GALNT13: variants seen among roughly 807,000 people sequenced by gnomAD.
The protein encoded by GALNT13 is polypeptide N-acetylgalactosaminyltransferase 13.
In GALNT13, 28 loss-of-function variants were observed where a neutral mutation model predicts 64.2. The observed-to-expected ratio is 0.44, with a 90% CI of 0.32 to 0.60. The LOEUF is 0.60. Among genes scored for constraint, GALNT13 ranks in the 20% least tolerant of loss-of-function variants. The pLI is 0.05. For missense variants in GALNT13, 577 were observed against 669.8 expected, an observed-to-expected ratio of 0.86 and a Z score of 1.53; for synonymous variants, 214 against 224.6, an observed-to-expected ratio of 0.95 and a Z score of 0.42.
chr2:153,350,492 C>T, the GALNT13 span, among the ~76,000 whole-genome samples: 8 of 150,506 alleles, frequency 5.3e-5, 1 homozygote, highest in Non-Finnish European at 1.2e-4. Context: ...AAGCGATTCT[C>T]CTACCTCAAC....
In GALNT13 at chr2:154,249,178, G is replaced by A. The variant is rs189847889; in HGVS notation, c.857+3196G>A. Among the ~76,000 whole-genome samples the A allele has an allele frequency of 2.3e-4, 35 of 152,248 alleles. No individual in the cohort carries two copies. In the East Asian group the frequency reaches 6.6e-3, roughly 29 times the overall value. On this transcript the variant is annotated intron_variant, in intron 7 of 12. Transcript: ENST00000392825. The stretch of plus-strand genomic sequence containing the variant: ...TACAAATGGGAGGTGATTTGGTTTA[G>A]GCTATTGAAATAAGTTTGATTCCAT...
At chr2:153,450,658 TTCCGATGAACACATA>T in the GALNT13 span, among the ~76,000 whole-genome samples, 1 of 152,004 alleles carries the variant, frequency 6.6e-6, no homozygotes, top group Non-Finnish European at 1.5e-5. Context: ...GTCTATTATA[TTCCGATGAACACATA>T]TCAGTCAGTC....
intron 4 of GALNT13, among the ~76,000 whole-genome samples, chr2:154,153,270 C>T (rs1206813505): frequency 6.6e-6 from 1 of 151,312 alleles, no homozygotes; most frequent in African/African-American, 2.4e-5. Context: ...GCGAATGCTG[C>T]TGTCTGATCA....
At chr2:153,626,382 C>T in the GALNT13 span, among the ~76,000 whole-genome samples, 1 of 151,978 alleles carries the variant, frequency 6.6e-6, no homozygotes, top group African/African-American at 2.4e-5. Flanking sequence ...TTGTATTTTT[C>T]TGAATATGGG....
At chr2:153,405,682 C>A in the GALNT13 span, among the ~76,000 whole-genome samples, 2 of 152,204 alleles carry the variant, frequency 1.3e-5, no homozygotes, top group East Asian at 3.9e-4. Context: ...ACTGTAAGAA[C>A]ATATTAGAAT....
intron 3 of GALNT13, among the ~76,000 whole-genome samples, chr2:153,997,988 T>G (rs183176662): frequency 3.9e-5 from 6 of 152,218 alleles, no homozygotes; most frequent in African/African-American, 1.2e-4. Flanking sequence ...CTTTTTTATG[T>G]CTGCATAGTA....
intron 9 of GALNT13, among the ~76,000 whole-genome samples, chr2:154,303,967 A>T (rs1693592991): frequency 6.6e-6 from 1 of 152,126 alleles, no homozygotes; most frequent in Non-Finnish European, 1.5e-5. Context: ...CATGTTGGCC[A>T]GGCTGGTCTC....
At chr2:153,552,534 G>T in the GALNT13 span, among the ~76,000 whole-genome samples, 1,954 of 150,304 alleles carry the variant, frequency 0.013, 53 homozygotes, top group African/African-American at 0.045. Context: ...AGTAATTGTG[G>T]AATGAGACTG....
At chr2:153,758,114 C>T in the GALNT13 span, among the ~76,000 whole-genome samples, 4 of 152,082 alleles carry the variant, frequency 2.6e-5, no homozygotes, top group African/African-American at 7.2e-5. Context: ...TTTACAGTTT[C>T]ACTTTTTACA....
At chr2:154,130,811 CTT>C (rs1234772869) in intron 3 of GALNT13, among the ~76,000 whole-genome samples, 2 of 152,140 alleles carry the variant, frequency 1.3e-5, no homozygotes, top group African/African-American at 4.8e-5. Flanking sequence ...CTGCTCAAAG[CTT>C]ACTATTTTCT....
At chr2:153,358,066 A>G in the GALNT13 span, among the ~76,000 whole-genome samples, 9 of 152,164 alleles carry the variant, frequency 5.9e-5, no homozygotes, top group African/African-American at 2.2e-4. Context: ...AAATTTACCC[A>G]TGTGCTTGCA....
chr2:153,630,122 A>G, the GALNT13 span, among the ~76,000 whole-genome samples: 19 of 151,144 alleles, frequency 1.3e-4, no homozygotes, highest in African/African-American at 2.9e-4. Flanking sequence ...TAGAAATACC[A>G]TTTGACCCAG....
At chr2:153,238,550 G>T in the GALNT13 span, among the ~76,000 whole-genome samples, 1 of 151,980 alleles carries the variant, frequency 6.6e-6, no homozygotes, top group Admixed American at 6.6e-5. Context: ...TCCGCATGTG[G>T]ATATCCAGTT....
At chr2:153,544,480 C>CT in the GALNT13 span, among the ~76,000 whole-genome samples, 1 of 152,292 alleles carries the variant, frequency 6.6e-6, no homozygotes, top group Non-Finnish European at 1.5e-5. Flanking sequence ...GTTTTAATTA[C>CT]TTGAATACTT....
At chr2:154,171,585 C>T (rs910534791) in intron 4 of GALNT13, among the ~76,000 whole-genome samples, 4 of 152,028 alleles carry the variant, frequency 2.6e-5, no homozygotes, top group Non-Finnish European at 5.9e-5. Flanking sequence ...AGGATATGAA[C>T]ATACTTTTCT....
At chr2:153,598,416 G>C in the GALNT13 span, among the ~76,000 whole-genome samples, 1 of 151,922 alleles carries the variant, frequency 6.6e-6, no homozygotes, top group Admixed American at 6.6e-5. Flanking sequence ...ATTCAGGTGG[G>C]TCTCTTCTTC....
chr2:154,397,957 T>C (rs2105366856), intron 10 of GALNT13, among the ~76,000 whole-genome samples: 1 of 152,318 alleles, frequency 6.6e-6, no homozygotes, highest in Non-Finnish European at 1.5e-5. Flanking sequence ...CATTTTCAAA[T>C]GTGTAACATC....
intron 9 of GALNT13, among the ~76,000 whole-genome samples, chr2:154,368,015 G>A (rs1487136168): frequency 1.3e-5 from 2 of 152,066 alleles, no homozygotes; most frequent in Admixed American, 1.3e-4. Context: ...CCAAAACAGT[G>A]GATTAATGTA....
At chr2:153,550,724 C>G in the GALNT13 span, among the ~76,000 whole-genome samples, 1 of 152,174 alleles carries the variant, frequency 6.6e-6, no homozygotes, top group Non-Finnish European at 1.5e-5. Context: ...TAATGCTTAA[C>G]TTTATACAAT....
Sources: gnomAD v4.1 joint callset for allele counts (sites outside exome capture counted in the v4.1 genomes callset) on GRCh38, gnomAD v4.1.1 for gene constraint, MANE v1.5 for transcripts, NCBI Gene and HGNC (gene_info 2026-07-23, HGNC 2026-07-21) for gene names.